Variants in RSRC1 observed in about 807,000 individuals in gnomAD.
RSRC1 encodes the protein serine/Arginine-related protein 53.
A neutral mutation model predicts 49.1 loss-of-function variants in RSRC1; 39 were observed. That is an observed-to-expected ratio of 0.79 (90% CI 0.61 to 1.04). The LOEUF is 1.04. Ranked by LOEUF, RSRC1 falls within the 50% of genes least tolerant of loss-of-function variation. RSRC1 has a pLI of 0.00. For synonymous variants in RSRC1, 143 were observed against 130.8 expected (o/e 1.09, Z -0.63); for missense variants, 388 against 402.4 (o/e 0.96, Z 0.31).
chr3:158,142,324 T>C (rs1716799282), intron 3 of RSRC1, among the ~76,000 whole-genome samples: 1 of 152,328 alleles, frequency 6.6e-6, no homozygotes, highest in South Asian at 2.1e-4. Context: ...TTCAGTATTG[T>C]TTCTTGTTCT....
chr3:158,151,774 T>TA (rs1717552043), intron 3 of RSRC1, among the ~76,000 whole-genome samples: 1 of 152,212 alleles, frequency 6.6e-6, no homozygotes, highest in African/African-American at 2.4e-5. Flanking sequence ...GGACACAGTG[T>TA]CATTATATGT....
intron 3 of RSRC1, among the ~76,000 whole-genome samples, chr3:158,128,750 C>T (rs763843952): frequency 5.9e-5 from 9 of 152,146 alleles, no homozygotes; most frequent in Admixed American, 6.6e-5. Flanking sequence ...TTGTTAATCT[C>T]TTCTTAGTCT....
intron 6 of RSRC1, among the ~76,000 whole-genome samples, chr3:158,425,332 TATGTACCCAGTAGTC>T (rs1388962914): frequency 1.3e-5 from 2 of 152,108 alleles, no homozygotes; most frequent in Non-Finnish European, 2.9e-5. Context: ...TTCATTTCGT[TATGTACCCAGTAGTC>T]ATTCAGGAGC....
At chr3:158,399,682 G>C (rs1031319270) in intron 6 of RSRC1, among the ~76,000 whole-genome samples, 18 of 152,046 alleles carry the variant, frequency 1.2e-4, no homozygotes, top group African/African-American at 4.3e-4. Flanking sequence ...ATCTTATTTG[G>C]ACAGCAGAGA....
In RSRC1 at chr3:158,422,260, G is replaced by A. The variant is rs1213023521; in HGVS notation, c.584-38675G>A. ...CCCACAACAGTCACCAGAGTGTGATGTTCCCCTTCCTGTGTCCATGTGTTC... is the reference window on the plus strand; with the variant it reads ...CCCACAACAGTCACCAGAGTGTGATATTCCCCTTCCTGTGTCCATGTGTTC... On this transcript the variant is annotated intron_variant, in intron 6 of 9. Coordinates refer to ENST00000611884, the MANE Select transcript of RSRC1 (RefSeq NM_001271838.2). Among the ~76,000 whole-genome samples, 17 of 125,922 alleles carry A rather than the reference G, an allele frequency of 1.4e-4. No homozygotes were observed. The East Asian group carries it at 2.4e-3, about 18-fold the overall frequency. The allele number at this position is 125,922 out of a possible 152,430, so 82.6% of individuals were successfully genotyped here. A position where few individuals can be genotyped will look rare whatever the true frequency, so the allele number is the denominator to read the frequency against.
intron 5 of RSRC1, among the ~76,000 whole-genome samples, chr3:158,326,854 G>T (rs1729186507): frequency 6.6e-6 from 1 of 152,070 alleles, no homozygotes; most frequent in African/African-American, 2.4e-5. Context: ...GAATCCCTCT[G>T]GTCCTATACT....
intron 3 of RSRC1, among the ~76,000 whole-genome samples, chr3:158,174,398 G>A (rs1581412): frequency 0.6 from 90,470 of 151,672 alleles, 27,261 homozygotes; most frequent in East Asian, 0.73. Flanking sequence ...AAATGTAGAA[G>A]TGATAAATGT....
chr3:158,331,009 G>A lies in RSRC1; in HGVS notation c.532-23848G>A, dbSNP rs114900507. Among the ~76,000 whole-genome samples, 935 of 152,226 alleles carry A rather than the reference G, an allele frequency of 6.1e-3. 11 individuals carry two copies. Among genetic ancestry groups the A allele is most frequent in the African/African-American group, 0.02 (833 of 41,516 alleles). On this transcript the variant is annotated intron_variant, in intron 5 of 9. Coordinates refer to ENST00000611884, the MANE Select transcript of RSRC1 (RefSeq NM_001271838.2). ...CTCACATGGCAGCAGACGATACAGA[G>A]AGCATGTGCAGGGGAATTCCCCTTT...
intron 7 of RSRC1, among the ~76,000 whole-genome samples, chr3:158,527,077 CTTTTTTT>C (rs543523088): frequency 9.1e-6 from 1 of 110,180 alleles, no homozygotes; most frequent in Non-Finnish European, 1.8e-5. Flanking sequence ...AGTTCAAAAT[CTTTTTTT>C]TTTTTTTTTT....
At chr3:158,422,981 T>G (rs554236401) in intron 6 of RSRC1, among the ~76,000 whole-genome samples, 2 of 152,342 alleles carry the variant, frequency 1.3e-5, no homozygotes, top group Non-Finnish European at 2.9e-5. Flanking sequence ...TATTAGCCCT[T>G]TGTCAGATGA....
At position 158,200,192 on chromosome 3, in the gene RSRC1, C is replaced by T. The variant is rs186350998; in HGVS notation, c.321-2880C>T. 8.8e-3 allele frequency among the ~76,000 whole-genome samples: 1,338 copies of T among 152,202 alleles called. 22 individuals are homozygous for T. Among genetic ancestry groups the T allele is most frequent in the African/African-American group, 0.031 (1,301 of 41,518 alleles). On this transcript the variant is annotated intron_variant, in intron 3 of 9. Transcript: ENST00000611884. ...AGCTGGGACTACAGGCATCCGCCAC[C>T]ATGCCCAGCTAATTTTTTGTATTTT...
chr3:158,169,915 A>G (rs763723267), intron 3 of RSRC1, among the ~76,000 whole-genome samples: 1 of 152,166 alleles, frequency 6.6e-6, no homozygotes, highest in Non-Finnish European at 1.5e-5. Flanking sequence ...GCCAAGAAGA[A>G]TATTTATGCT....
intron 5 of RSRC1, among the ~76,000 whole-genome samples, chr3:158,327,481 C>T (rs1294453117): frequency 6.6e-6 from 1 of 152,188 alleles, no homozygotes; most frequent in African/African-American, 2.4e-5. Flanking sequence ...GCCTTCATTT[C>T]ATTATGTATC....
chr3:158,446,656 G>A (rs1449432660), intron 6 of RSRC1, among the ~76,000 whole-genome samples: 1 of 151,552 alleles, frequency 6.6e-6, no homozygotes, highest in African/African-American at 2.4e-5. Context: ...TTTGTATGTG[G>A]GACTGAATTT....
At chr3:158,241,212 C>A (rs1188723735) in intron 4 of RSRC1, among the ~76,000 whole-genome samples, 1 of 152,106 alleles carries the variant, frequency 6.6e-6, no homozygotes, top group Non-Finnish European at 1.5e-5. Context: ...CTTTGGGAAG[C>A]CAAGGTGGGT....
At chr3:158,414,733 A>T (rs182779310) in intron 6 of RSRC1, among the ~76,000 whole-genome samples, 187 of 152,118 alleles carry the variant, frequency 1.2e-3, no homozygotes, top group African/African-American at 4.4e-3. Flanking sequence ...TAGAAAAAAA[A>T]ATAAGTTTGG....
At chr3:158,322,177 A>G (rs1559992173) in intron 5 of RSRC1, among the ~76,000 whole-genome samples, 2 of 152,236 alleles carry the variant, frequency 1.3e-5, no homozygotes, top group South Asian at 2.1e-4. Context: ...TTTTGTTTCT[A>G]TGTGAATGTT....
intron 6 of RSRC1, among the ~76,000 whole-genome samples, chr3:158,459,250 T>G (rs1467603282): frequency 6.6e-6 from 1 of 152,152 alleles, no homozygotes. Flanking sequence ...CTATGAATTG[T>G]CCATGTATAG....
chr3:158,538,186 T>C (rs1434742054), intron 8 of RSRC1, among the ~76,000 whole-genome samples: 1 of 151,824 alleles, frequency 6.6e-6, no homozygotes, highest in Non-Finnish European at 1.5e-5. Flanking sequence ...CTTCTTTTGT[T>C]ATTAGTGAGA....
Sources: gnomAD v4.1 joint callset for allele counts (sites outside exome capture counted in the v4.1 genomes callset) on GRCh38, gnomAD v4.1.1 for gene constraint, MANE v1.5 for transcripts, NCBI Gene and HGNC (gene_info 2026-07-23, HGNC 2026-07-21) for gene names.